MCUB: variants seen among roughly 807,000 people sequenced by gnomAD.
The protein encoded by MCUB is calcium uniporter regulatory subunit MCUb, mitochondrial.
Under a neutral mutation model 41.4 loss-of-function variants are expected in MCUB, and 46 were observed. The observed-to-expected ratio is 1.11, with a 90% CI of 0.88 to 1.42. The LOEUF (loss-of-function observed/expected upper bound fraction) is 1.42. Ranked by LOEUF, MCUB falls within the 40% of genes most tolerant of loss-of-function variation. MCUB has a pLI of 0.00. For synonymous variants in MCUB, 148 were observed against 148.2 expected, an observed-to-expected ratio of 1.00 and a Z score of 0.01; for missense variants, 403 against 404.9, an observed-to-expected ratio of 1.00 and a Z score of 0.04.
chr4:109,564,731 T>G (rs1425757261), intron 1 of MCUB, among the ~76,000 whole-genome samples: 1 of 152,082 alleles, frequency 6.6e-6, no homozygotes, highest in African/African-American at 2.4e-5. Flanking sequence ...TCAGAACAAA[T>G]GGTTACAGGG....
At position 109,560,250 on chromosome 4, in the gene MCUB, C is replaced by A; in HGVS notation, c.-88C>A. On this transcript the variant is annotated 5_prime_UTR_variant, in exon 1 of 8. Coordinates refer to ENST00000394650, the MANE Select transcript of MCUB (RefSeq NM_017918.5). Reference sequence around the variant, plus strand: ...GCAGGCGGGGCGGGAGCGCCCACAGCTCGGAGCCACCAGGCGCTGACGAGG... The same window carrying A: ...GCAGGCGGGGCGGGAGCGCCCACAGATCGGAGCCACCAGGCGCTGACGAGG... 1 of 632,526 alleles carries A rather than the reference C, an allele frequency of 1.6e-6. No homozygotes were observed. Among genetic ancestry groups the A allele is most frequent in the Non-Finnish European group, 2.3e-6 (1 of 443,064 alleles). 39.2% of individuals were successfully genotyped at this position (632,526 alleles called of 1,614,324 possible).
chr4:109,651,724 C>T (rs1254002251), intron 1 of MCUB, among the ~76,000 whole-genome samples: 1 of 152,166 alleles, frequency 6.6e-6, no homozygotes, highest in East Asian at 1.9e-4. Context: ...TACTCCCTTT[C>T]CATAATTGTA....
At chr4:109,650,870 A>G (rs1335649910) in intron 1 of MCUB, among the ~76,000 whole-genome samples, 1 of 152,090 alleles carries the variant, frequency 6.6e-6, no homozygotes, top group Admixed American at 6.5e-5. Flanking sequence ...GATTACAATT[A>G]TTTTGTAGAA....
At chr4:109,612,922 C>A (rs112235511) in intron 1 of MCUB, among the ~76,000 whole-genome samples, 4 of 152,002 alleles carry the variant, frequency 2.6e-5, no homozygotes, top group African/African-American at 9.7e-5. Context: ...CTGGCTAACA[C>A]GGTGAAATCC....
Position 109,685,362 on chromosome 4 carries a change from G to T in MCUB, c.928G>T (p.Ala310Ser), listed in dbSNP as rs758512386. The T allele has an allele frequency of 7.2e-7, 1 of 1,397,550 alleles. No individual in the cohort carries two copies. Among genetic ancestry groups the T allele is most frequent in the African/African-American group, 1.4e-5 (1 of 70,536 alleles). 86.6% of individuals were successfully genotyped at this position (1,397,550 alleles called of 1,614,324 possible). A position where few individuals can be genotyped will look rare whatever the true frequency, so the allele number is the denominator to read the frequency against. ...ATACAACAAGTTAAAAGAAGACCTT[G>T]CTAAGGTATACTACAAATACATCTT... is the stretch of plus-strand genomic sequence containing the variant. ...QQYNKLKEDLAKAKESLKQAR... is the reference protein window; with the variant it reads ...QQYNKLKEDLSKAKESLKQAR... The change falls in exon 7 of 8, where the codon GCT becomes TCT. Residue 310 changes from alanine (A) to serine (S), a missense_variant. Ala to Ser is a moderately conservative substitution (Grantham distance 99). Transcript: ENST00000394650.
intron 1 of MCUB, among the ~76,000 whole-genome samples, chr4:109,572,821 T>A (rs1258633552): frequency 5.3e-5 from 8 of 152,180 alleles, no homozygotes; most frequent in Non-Finnish European, 1.0e-4. Context: ...AATTATTGCT[T>A]TATATAATGA....
At chr4:109,649,772 C>G (rs1023087170) in intron 1 of MCUB, among the ~76,000 whole-genome samples, 3 of 151,442 alleles carry the variant, frequency 2.0e-5, no homozygotes, top group African/African-American at 7.3e-5. Flanking sequence ...TATGGTTTCA[C>G]CCTGTTGCCC....
chr4:109,653,781 G>C (rs1454231089), intron 1 of MCUB, among the ~76,000 whole-genome samples: 1 of 152,180 alleles, frequency 6.6e-6, no homozygotes, highest in East Asian at 1.9e-4. Context: ...CACCATGTTG[G>C]TCAGATTGGT....
rs1433538965 is a variant in MCUB at position 109,591,935 on chromosome 4, G to A, written c.99+31499G>A. ...GGCTGGTCTTGAACTCCTGACCTCA[G>A]GTGATCCACCTGCCTCAGCCACCCT... On this transcript the variant is annotated intron_variant, in intron 1 of 7. Transcript: ENST00000394650. 2.0e-5 allele frequency among the ~76,000 whole-genome samples: 3 copies of A among 151,930 alleles called. No homozygotes were observed. The East Asian group carries it at 5.8e-4, about 30-fold the overall frequency.
rs56707630 is a variant in MCUB at position 109,657,218 on chromosome 4, CAAAAA to C, written c.100-1776_100-1772del. Among the ~76,000 whole-genome samples the C allele has an allele frequency of 6.8e-3, 757 of 111,370 alleles. 2 individuals are homozygous for C. The highest frequency in any genetic ancestry group is 0.022 in the African/African-American group (656 of 29,318). 73.1% of individuals were successfully genotyped at this position (111,370 alleles called of 152,430 possible). On this transcript the variant is annotated intron_variant, in intron 1 of 7. Coordinates refer to ENST00000394650, the MANE Select transcript of MCUB (RefSeq NM_017918.5). The stretch of plus-strand genomic sequence containing the variant: ...TGGGCAACAGAGCAATATTCCATCT[CAAAAA>C]AAAAAAAAAAAAAAAATAGAAAGCT...
At chr4:109,672,080 A>G (rs1256068205) in intron 4 of MCUB, among the ~76,000 whole-genome samples, 1 of 151,764 alleles carries the variant, frequency 6.6e-6, no homozygotes, top group Non-Finnish European at 1.5e-5. Flanking sequence ...ATTATTAAAT[A>G]TATATATATT....
At chr4:109,601,605 T>C (rs197213) in intron 1 of MCUB, among the ~76,000 whole-genome samples, 34,101 of 152,172 alleles carry the variant, frequency 0.22, 4,679 homozygotes, top group South Asian at 0.34. Flanking sequence ...TGTTCTGCTG[T>C]GTATATATAC....
intron 1 of MCUB, among the ~76,000 whole-genome samples, chr4:109,582,560 CA>C (rs35609064): frequency 0.91 from 130,448 of 143,350 alleles, 59,289 homozygotes; most frequent in African/African-American, 0.94. Flanking sequence ...CACAGTTTAA[CA>C]AAAAAAAAAA....
intron 1 of MCUB, among the ~76,000 whole-genome samples, chr4:109,605,296 T>C (rs1343002465): frequency 1.3e-5 from 2 of 152,124 alleles, no homozygotes; most frequent in Non-Finnish European, 2.9e-5. Context: ...TCACTGGTCA[T>C]TCAGGAGCAT....
chr4:109,665,392 A>G (rs1304541340), intron 4 of MCUB, among the ~76,000 whole-genome samples: 1 of 152,196 alleles, frequency 6.6e-6, no homozygotes, highest in Non-Finnish European at 1.5e-5. Context: ...AGCCTATGGT[A>G]AAATTGGTTT....
At chr4:109,591,431 C>T (rs1727435395) in intron 1 of MCUB, among the ~76,000 whole-genome samples, 1 of 152,092 alleles carries the variant, frequency 6.6e-6, no homozygotes, top group South Asian at 2.1e-4. Flanking sequence ...GGTGATCTGC[C>T]CTCCTTGGCC....
intron 1 of MCUB, among the ~76,000 whole-genome samples, chr4:109,615,694 C>T (rs891790770): frequency 6.6e-6 from 1 of 152,124 alleles, no homozygotes; most frequent in African/African-American, 2.4e-5. Flanking sequence ...CAGGCATGAG[C>T]CACCGCGCCC....
chr4:109,604,019 A>T (rs1218642669), intron 1 of MCUB, among the ~76,000 whole-genome samples: 2 of 151,170 alleles, frequency 1.3e-5, no homozygotes, highest in Non-Finnish European at 3.0e-5. Flanking sequence ...GACATAGGAG[A>T]CTCCATTTTG....
At chr4:109,578,613 C>G (rs1166415215) in intron 1 of MCUB, among the ~76,000 whole-genome samples, 1 of 152,118 alleles carries the variant, frequency 6.6e-6, no homozygotes, top group African/African-American at 2.4e-5. Flanking sequence ...AGTCCTTCTG[C>G]CTCAGTCTCC....
Sources: allele counts gnomAD v4.1 joint callset (sites outside exome capture counted in the v4.1 genomes callset), GRCh38; gene constraint gnomAD v4.1.1; transcripts MANE v1.5; gene names NCBI Gene and HGNC (gene_info 2026-07-23, HGNC 2026-07-21).